PCDHA2: variants seen among roughly 807,000 people sequenced by gnomAD.
PCDHA2 encodes the protein protocadherin alpha-2.
Under a neutral mutation model 66.0 loss-of-function variants are expected in PCDHA2, and 58 were observed. The ratio of observed to expected loss-of-function variants is 0.88; its 90% CI spans 0.71 to 1.09. The LOEUF is 1.09. Among genes scored for constraint, PCDHA2 ranks in the 50% least tolerant of loss-of-function variants. PCDHA2 has a pLI of 0.00. For missense variants in PCDHA2, 1,267 were observed against 1,242.3 expected (o/e 1.02, Z -0.30); for synonymous variants, 634 against 554.0 (o/e 1.14, Z -2.03).
At chr5:140,803,517 C>T (rs782792820) in intron 1 of PCDHA2, 1 of 1,614,202 alleles carries the variant, frequency 6.2e-7, no homozygotes, top group Non-Finnish European at 8.5e-7. Flanking sequence ...GGCTTTTAGC[C>T]CTAGCCTTCC....
intron 1 of PCDHA2, chr5:140,802,445 G>A: frequency 2.5e-6 from 4 of 1,614,240 alleles, no homozygotes; most frequent in Non-Finnish European, 3.4e-6. Context: ...TGGACCGCGA[G>A]AGCGTGTCGG....
intron 1 of PCDHA2, chr5:140,807,749 CT>C (rs1764025212): frequency 6.2e-7 from 1 of 1,614,138 alleles, no homozygotes; most frequent in Non-Finnish European, 8.5e-7. Flanking sequence ...TGATGACGAG[CT>C]GGTAAAAGGT....
chr5:140,918,651 C>A (rs1418223257), intron 1 of PCDHA2, among the ~76,000 whole-genome samples: 1 of 152,144 alleles, frequency 6.6e-6, no homozygotes, highest in African/African-American at 2.4e-5. Flanking sequence ...AAACCTAATT[C>A]TCATGTTGAT....
In PCDHA2 at chr5:140,875,915, T is replaced by G. The variant is rs782225928; in HGVS notation, c.2388+78563T>G. On this transcript the variant is annotated intron_variant, in intron 1 of 3. Transcript: ENST00000526136. Reference sequence around the variant, plus strand: ...GTACCTGTTTCTGAATCTGCGCCTCTGGACTCTCATTTTCCTCTAGAGGGC... The same window carrying G: ...GTACCTGTTTCTGAATCTGCGCCTCGGGACTCTCATTTTCCTCTAGAGGGC... 3.7e-6 allele frequency: 6 copies of G among 1,614,096 alleles called. No homozygotes were observed. In the African/African-American group the frequency reaches 6.7e-5, roughly 18 times the overall value.
At position 140,918,978 on chromosome 5, in the gene PCDHA2, G is replaced by C. The variant is rs1363137172; in HGVS notation, c.2389-59971G>C. On this transcript the variant is annotated intron_variant, in intron 1 of 3. Transcript: ENST00000526136. Reference sequence around the variant, plus strand: ...ACTAAGACAGATATCGTTTAGGTTAGTTGGTTTTTAGTGTTGTTCACATCT... The same window carrying C: ...ACTAAGACAGATATCGTTTAGGTTACTTGGTTTTTAGTGTTGTTCACATCT... Among the ~76,000 whole-genome samples, 5 of 152,204 alleles carry C rather than the reference G, an allele frequency of 3.3e-5. No homozygotes were observed. In the South Asian group the frequency reaches 8.3e-4, roughly 25 times the overall value.
intron 1 of PCDHA2, among the ~76,000 whole-genome samples, chr5:140,940,295 G>A (rs1363509137): frequency 5.3e-5 from 8 of 152,110 alleles, no homozygotes; most frequent in Non-Finnish European, 1.0e-4. Flanking sequence ...TGCTTCATCA[G>A]TAATTTATTA....
chr5:140,850,503 G>C (rs2041643123), intron 1 of PCDHA2: 1 of 1,598,290 alleles, frequency 6.3e-7, no homozygotes, highest in Non-Finnish European at 8.6e-7. Flanking sequence ...GGTGTCGCTG[G>C]TGGAGAGCGG....
chr5:140,929,566 C>A, intron 1 of PCDHA2: 2 of 459,566 alleles, frequency 4.4e-6, no homozygotes, highest in Admixed American at 4.2e-5. Flanking sequence ...TATTTAAGAA[C>A]AATAAAAGTA....
intron 1 of PCDHA2, chr5:140,830,253 T>G: frequency 6.2e-7 from 1 of 1,613,696 alleles, no homozygotes; most frequent in Non-Finnish European, 8.5e-7. Flanking sequence ...TACACAGCGC[T>G]GCGGTGCTCG....
chr5:140,961,639 G>A (rs2095626284), intron 1 of PCDHA2, among the ~76,000 whole-genome samples: 1 of 152,144 alleles, frequency 6.6e-6, no homozygotes, highest in East Asian at 1.9e-4. Flanking sequence ...ACAATCTTAA[G>A]TCTATGTGGT....
At chr5:140,919,014 A>G (rs1008657889) in intron 1 of PCDHA2, among the ~76,000 whole-genome samples, 1 of 152,184 alleles carries the variant, frequency 6.6e-6, no homozygotes, top group Non-Finnish European at 1.5e-5. Context: ...TTCATTTCCT[A>G]GTGATCTTCT....
At chr5:140,941,215 C>CTTTCTTTCTTTCTTTG (rs2092887387) in intron 1 of PCDHA2, among the ~76,000 whole-genome samples, 2 of 104,510 alleles carry the variant, frequency 1.9e-5, no homozygotes, top group Non-Finnish European at 4.1e-5. Context: ...TTCTTTCTTC[C>CTTTCTTTCTTTCTTTG]TTTCTTTCTT....
At chr5:140,921,385 A>C (rs571029849) in intron 1 of PCDHA2, among the ~76,000 whole-genome samples, 1 of 152,294 alleles carries the variant, frequency 6.6e-6, no homozygotes, top group East Asian at 1.9e-4. Flanking sequence ...CATATTTGAT[A>C]AACATTCACA....
intron 1 of PCDHA2, among the ~76,000 whole-genome samples, chr5:140,826,477 T>G (rs2150143939): frequency 6.6e-6 from 1 of 152,310 alleles, no homozygotes; most frequent in Non-Finnish European, 1.5e-5. Flanking sequence ...GGCATTTTAC[T>G]GTATATCAGA....
At chr5:140,911,088 C>T (rs1447899502) in intron 1 of PCDHA2, among the ~76,000 whole-genome samples, 3 of 152,092 alleles carry the variant, frequency 2.0e-5, no homozygotes, top group African/African-American at 7.2e-5. Flanking sequence ...ATTATCTTGC[C>T]TGGCAACTGC....
chr5:140,956,597 C>T (rs1015881961), intron 1 of PCDHA2, among the ~76,000 whole-genome samples: 1 of 152,054 alleles, frequency 6.6e-6, no homozygotes, highest in African/African-American at 2.4e-5. Flanking sequence ...TCAGGGATAT[C>T]AGCTGGAAGT....
intron 1 of PCDHA2, among the ~76,000 whole-genome samples, chr5:140,948,862 C>T (rs1419321480): frequency 6.6e-6 from 1 of 151,398 alleles, no homozygotes; most frequent in Admixed American, 6.6e-5. Context: ...TCTTATATTA[C>T]TTCGGGTTTA....
chr5:140,805,121 T>C, intron 1 of PCDHA2: 1 of 1,585,938 alleles, frequency 6.3e-7, no homozygotes, highest in Non-Finnish European at 8.5e-7. Context: ...ACAAGACTCT[T>C]GGCAAAGACA....
intron 1 of PCDHA2, among the ~76,000 whole-genome samples, chr5:140,942,396 A>G (rs1172739397): frequency 6.6e-6 from 1 of 151,922 alleles, no homozygotes; most frequent in Admixed American, 6.6e-5. Flanking sequence ...TGGGCGACAG[A>G]TGAGACTCTG....
Sources: gnomAD v4.1 joint callset for allele counts (sites outside exome capture counted in the v4.1 genomes callset) on GRCh38, gnomAD v4.1.1 for gene constraint, MANE v1.5 for transcripts, NCBI Gene and HGNC (gene_info 2026-07-23, HGNC 2026-07-21) for gene names.